QTRT2: variants seen among roughly 807,000 people sequenced by gnomAD.
The protein encoded by QTRT2 is queuine tRNA-ribosyltransferase domain containing 1.
A neutral mutation model predicts 44.8 loss-of-function variants in QTRT2; 32 were observed. The ratio of observed to expected loss-of-function variants is 0.71; its 90% confidence interval spans 0.54 to 0.96. The LOEUF (loss-of-function observed/expected upper bound fraction) is 0.96, where lower values mean the gene tolerates loss of function less well. Ranked by LOEUF, QTRT2 falls within the 40% of genes least tolerant of loss-of-function variation. The pLI is 0.00. For synonymous variants in QTRT2, 182 were observed against 187.4 expected (o/e 0.97, Z 0.24); for missense variants, 461 against 503.1 (o/e 0.92, Z 0.80).
chr3:114,070,951 C>G (rs1003524858), intron 6 of QTRT2, 113 bp downstream of exon 6: 1 of 722,884 alleles, frequency 1.4e-6, no homozygotes, highest in Non-Finnish European at 2.3e-6. Context: ...ACTTCTTTGT[C>G]TATTTTACTC....
chr3:114,081,941 C>G (rs977053886), intron 8 of QTRT2, among the ~76,000 whole-genome samples: 5 of 152,126 alleles, frequency 3.3e-5, no homozygotes, highest in African/African-American at 7.2e-5. Flanking sequence ...CTACTTGTCC[C>G]TGTTCCAGGC....
chr3:114,076,913 C>T lies in QTRT2; in HGVS notation c.717C>T (p.Val239=). 5 of 1,614,130 alleles carry T rather than the reference C, an allele frequency of 3.1e-6. No individual in the cohort carries two copies. The highest frequency in any genetic ancestry group is 4.2e-6 in the Non-Finnish European group (5 of 1,180,024). Residue 239 remains valine (V), a synonymous_variant, in exon 7 of 10, where the codon GTC becomes GTT. Coordinates refer to ENST00000281273, the MANE Select transcript of QTRT2 (RefSeq NM_024638.4). ...CTAGACTACGCTTGCTGTCATCAGTCACTGCAGAGCTGCCGGAGGACAAGC... is the reference window on the plus strand; with the variant it reads ...CTAGACTACGCTTGCTGTCATCAGTTACTGCAGAGCTGCCGGAGGACAAGC... The part of the protein sequence containing the change: ...LEARLRLLSS[V]TAELPEDKPR...
chr3:114,077,296 C>A (rs2077104133), intron 7 of QTRT2: 2 of 228,688 alleles, frequency 8.7e-6, no homozygotes, highest in South Asian at 7.2e-5. Flanking sequence ...ACATGGAATG[C>A]TGGTTTAAAT....
intron 9 of QTRT2, among the ~76,000 whole-genome samples, chr3:114,084,848 T>C (rs2077215111): frequency 6.6e-6 from 1 of 152,190 alleles, no homozygotes; most frequent in Non-Finnish European, 1.5e-5. Flanking sequence ...GTTATCTTCA[T>C]CTGTAGAATG....
Position 114,079,795 on chromosome 3 carries a change from T to C in QTRT2, c.747-111T>C, listed in dbSNP as rs140116672. ...CCACTGCCTGCCACTCTAACCATGA[T>C]TGGTGTTTTTCATTATTACTATTTT... On this transcript the variant is annotated intron_variant, in intron 7 of 9. Transcript: ENST00000281273. 1.5e-3 allele frequency: 1,477 copies of C among 989,184 alleles called. 22 individuals are homozygous for C. The East Asian group carries it at 0.017, about 11-fold the overall frequency. The allele number at this position is 989,184 out of a possible 1,614,324, so 61.3% of individuals were successfully genotyped here.
At chr3:114,059,303 C>T (rs2076851557) in intron 2 of QTRT2, among the ~76,000 whole-genome samples, 1 of 152,048 alleles carries the variant, frequency 6.6e-6, no homozygotes, top group Admixed American at 6.6e-5. Flanking sequence ...TTAGAGCAGA[C>T]CCACAACAAG....
chr3:114,078,535 G>A (rs2077123290), intron 7 of QTRT2: 1 of 151,730 alleles, frequency 6.6e-6, no homozygotes, highest in Non-Finnish European at 1.5e-5. Context: ...AGCCAGCCCT[G>A]ATTTAGTACA....
intron 9 of QTRT2, 38 bp from the exon 10 acceptor site, chr3:114,085,635 C>T: frequency 6.5e-7 from 1 of 1,544,478 alleles, no homozygotes; most frequent in South Asian, 1.1e-5. Flanking sequence ...TTCTTGTATT[C>T]CGTACTTTCT....
chr3:114,080,506 A>C (rs1297157294), intron 8 of QTRT2, among the ~76,000 whole-genome samples: 6 of 152,050 alleles, frequency 3.9e-5, no homozygotes, highest in Non-Finnish European at 8.8e-5. Flanking sequence ...TTTTTAATAC[A>C]CCAGGCTTTG....
Position 114,080,014 on chromosome 3 carries a change from CCTGA to C in QTRT2, c.858_861del (p.Thr287SerfsTer23), listed in dbSNP as rs1302048917. The stretch of plus-strand genomic sequence containing the variant: ...ATCAAGTAACAGAGCGGGGATGTGC[CCTGA>C]CTTTCAGTTTTGATTACCAGCCGAA... On this transcript the variant is annotated frameshift_variant, in exon 8 of 10. Coordinates refer to ENST00000281273, the MANE Select transcript of QTRT2 (RefSeq NM_024638.4). LOFTEE classifies it high-confidence loss of function. The C allele has an allele frequency of 1.9e-6, 3 of 1,612,174 alleles. No individual in the cohort carries two copies. Among genetic ancestry groups the C allele is most frequent in the African/African-American group, 2.7e-5 (2 of 74,782 alleles).
intron 4 of QTRT2, among the ~76,000 whole-genome samples, chr3:114,067,079 A>G (rs1010487111): frequency 2.0e-5 from 3 of 152,114 alleles, no homozygotes; most frequent in Non-Finnish European, 2.9e-5. Context: ...TCCTGTTTCC[A>G]TTGGTTATTC....
At chr3:114,072,226 C>T (rs2077033800) in intron 6 of QTRT2, among the ~76,000 whole-genome samples, 1 of 152,042 alleles carries the variant, frequency 6.6e-6, no homozygotes, top group Non-Finnish European at 1.5e-5. Context: ...GCAGTCTTGG[C>T]TCACTGCAAC....
At chr3:114,060,217 G>A (rs2076862842) in intron 2 of QTRT2, among the ~76,000 whole-genome samples, 1 of 152,130 alleles carries the variant, frequency 6.6e-6, no homozygotes, top group Non-Finnish European at 1.5e-5. Context: ...GTTAAAAGAT[G>A]GGAACTTCTA....
At chr3:114,084,441 G>T (rs1310433394) in intron 9 of QTRT2, among the ~76,000 whole-genome samples, 1 of 152,086 alleles carries the variant, frequency 6.6e-6, no homozygotes, top group African/African-American at 2.4e-5. Flanking sequence ...AACATAGCAA[G>T]ATCCTGTCTC....
chr3:114,066,296 T>G lies in QTRT2; in HGVS notation c.256+13T>G. 1 of 1,520,174 alleles carries G rather than the reference T, an allele frequency of 6.6e-7. No individual in the cohort carries two copies. Among genetic ancestry groups the G allele is most frequent in the South Asian group, 1.1e-5 (1 of 89,146 alleles). 94.2% of individuals were successfully genotyped at this position (1,520,174 alleles called of 1,614,324 possible). A position where few individuals can be genotyped will look rare whatever the true frequency, so the allele number is the denominator to read the frequency against. On this transcript the variant is annotated intron_variant, in intron 4 of 9. Transcript: ENST00000281273. ...GGAAAGTTTATAGGTAAAAATTAAG[T>G]TACTTATATGTGCCTTGTGATGTGT...
At chr3:114,084,749 G>C (rs2077214101) in intron 9 of QTRT2, among the ~76,000 whole-genome samples, 1 of 152,186 alleles carries the variant, frequency 6.6e-6, no homozygotes, top group Admixed American at 6.5e-5. Flanking sequence ...GTCACAGAGA[G>C]ATGTTAAGTG....
chr3:114,069,053 CAA>C (rs57266627), intron 5 of QTRT2, among the ~76,000 whole-genome samples: 11 of 118,394 alleles, frequency 9.3e-5, no homozygotes, highest in African/African-American at 1.2e-4. Context: ...GACTCTGTCT[CAA>C]AAAAAAAAAA....
intron 6 of QTRT2, among the ~76,000 whole-genome samples, chr3:114,073,148 C>T (rs1293287275): frequency 1.3e-5 from 2 of 152,194 alleles, no homozygotes; most frequent in East Asian, 3.9e-4. Flanking sequence ...GGTGTGGGGA[C>T]ATTGCTGTGT....
intron 4 of QTRT2, among the ~76,000 whole-genome samples, chr3:114,067,560 ATAT>A: frequency 6.6e-6 from 1 of 152,180 alleles, no homozygotes; most frequent in East Asian, 1.9e-4. Context: ...GGGACCCATG[ATAT>A]TATTGAGATT....
Sources: gnomAD v4.1 joint callset for allele counts (sites outside exome capture counted in the v4.1 genomes callset) on GRCh38, gnomAD v4.1.1 for gene constraint, MANE v1.5 for transcripts, NCBI Gene and HGNC (gene_info 2026-07-23, HGNC 2026-07-21) for gene names.